CLCN5: variants seen among roughly 807,000 people sequenced by gnomAD.
CLCN5 encodes Cl-/H+ antiporter 5.
CLCN5 carries 17 observed loss-of-function variants against 54.0 expected under a neutral mutation model. The observed-to-expected ratio is 0.31, with a 90% CI of 0.22 to 0.47. The LOEUF (loss-of-function observed/expected upper bound fraction) is 0.47. Among genes scored for constraint, CLCN5 ranks in the 20% least tolerant of loss-of-function variants. The pLI is 1.00. For synonymous variants in CLCN5, 222 were observed against 233.0 expected (o/e 0.95, Z 0.43); for missense variants, 448 against 646.7 (o/e 0.69, Z 3.33).
At chrX:50,007,954 TAC>T (rs1329033091) in intron 3 of CLCN5, among the ~76,000 whole-genome samples, 2 of 112,049 alleles carry the variant, frequency 1.8e-5, no homozygotes, top group African/African-American at 6.5e-5. Flanking sequence ...GTTTTTCCAC[TAC>T]ATTAGTGATT....
chrX:50,013,245 T>C (rs1390140590), intron 3 of CLCN5: 1 of 305,114 alleles, frequency 3.3e-6, no homozygotes, highest in African/African-American at 3.4e-5. Flanking sequence ...AATGAACTGC[T>C]CCTTCTCCCA....
intron 3 of CLCN5, among the ~76,000 whole-genome samples, chrX:49,986,588 A>G (rs1929004866): frequency 8.9e-6 from 1 of 111,966 alleles, no homozygotes; most frequent in South Asian, 3.7e-4. Context: ...GTTAGCAGAT[A>G]TGATATTTAG....
chrX:49,977,713 A>G (rs1171247280), intron 3 of CLCN5, among the ~76,000 whole-genome samples: 1 of 112,090 alleles, frequency 8.9e-6, no homozygotes, highest in Non-Finnish European at 1.9e-5. Context: ...CTGGAGTGAG[A>G]AAAAGAATAA....
At chrX:50,085,590 A>C (rs1231740832) in intron 9 of CLCN5, 2 of 236,519 alleles carry the variant, frequency 8.5e-6, no homozygotes, top group Non-Finnish European at 1.6e-5. Flanking sequence ...CATCTCATTT[A>C]AAAAGCATTC....
At chrX:50,026,543 C>T (rs932759140) in intron 3 of CLCN5, among the ~76,000 whole-genome samples, 19 of 111,475 alleles carry the variant, frequency 1.7e-4, no homozygotes, top group African/African-American at 5.9e-4. Flanking sequence ...CATATGTTGA[C>T]GCTGTTGTTA....
intron 3 of CLCN5, among the ~76,000 whole-genome samples, chrX:49,984,938 T>G (rs1163477469): frequency 9.1e-6 from 1 of 110,439 alleles, no homozygotes; most frequent in Non-Finnish European, 1.9e-5. Context: ...TTCTTTGGTA[T>G]ATTTAGATTC....
At chrX:49,953,645 C>T (rs112952164) in intron 3 of CLCN5, among the ~76,000 whole-genome samples, 8,317 of 111,869 alleles carry the variant, frequency 0.074, 760 homozygotes, top group African/African-American at 0.26. Context: ...TGATGTACCA[C>T]GAGTTATTTA....
chrX:50,015,956 T>C (rs1365954496), intron 3 of CLCN5, among the ~76,000 whole-genome samples: 5 of 111,613 alleles, frequency 4.5e-5, no homozygotes, highest in Admixed American at 3.8e-4. Flanking sequence ...TAACCTGCAG[T>C]AAAGATTCAG....
chrX:49,957,080 C>T (rs1927364583), intron 3 of CLCN5, among the ~76,000 whole-genome samples: 1 of 112,033 alleles, frequency 8.9e-6, no homozygotes, highest in South Asian at 3.7e-4. Flanking sequence ...GGGTGGATCA[C>T]TTGAGGTCAG....
intron 3 of CLCN5, among the ~76,000 whole-genome samples, chrX:50,031,798 C>T (rs1028045967): frequency 2.2e-4 from 24 of 107,425 alleles, no homozygotes; most frequent in Admixed American, 4.0e-4. Flanking sequence ...ATACATGTGC[C>T]ATGCTGGTGT....
chrX:50,072,269 A>G (rs1557191584), intron 5 of CLCN5, among the ~76,000 whole-genome samples: 2 of 106,052 alleles, frequency 1.9e-5, no homozygotes, highest in East Asian at 2.8e-4. Flanking sequence ...GAAGCTCTGA[A>G]TAAGGAACTT....
chrX:49,985,962 T>G (rs1170418264), intron 3 of CLCN5, among the ~76,000 whole-genome samples: 1 of 111,855 alleles, frequency 8.9e-6, no homozygotes, highest in Non-Finnish European at 1.9e-5. Flanking sequence ...CTTTTTAAAT[T>G]CATACTCTAG....
rs1165891543 is a variant in CLCN5, at chrX:50,092,112, TTG to T, written c.2361-13_2361-12del. The T allele has an allele frequency of 8.6e-7, 1 of 1,158,499 alleles. No individual in the cohort carries two copies. Among genetic ancestry groups the T allele is most frequent in the African/African-American group, 1.8e-5 (1 of 56,893 alleles). On this transcript the variant is annotated splice_polypyrimidine_tract_variant and intron_variant, in intron 14 of 14. Transcript: ENST00000376091. Reference sequence around the variant, plus strand: ...ACAGATTTATTTTTGTTTTTTTGTATTGTGTTTGTCTTTTAGGCGATTGCTTG... The same window carrying T: ...ACAGATTTATTTTTGTTTTTTTGTATTGTTTGTCTTTTAGGCGATTGCTTG...
At chrX:50,060,930 A>G (rs1335041461) in intron 4 of CLCN5, among the ~76,000 whole-genome samples, 4 of 85,878 alleles carry the variant, frequency 4.7e-5, no homozygotes, top group Non-Finnish European at 6.6e-5. Flanking sequence ...ATTCCAACAG[A>G]CCTGCAGCTG....
intron 3 of CLCN5, among the ~76,000 whole-genome samples, chrX:49,931,592 A>G (rs957523186): frequency 9.0e-6 from 1 of 111,556 alleles, no homozygotes; most frequent in African/African-American, 3.3e-5. Flanking sequence ...ATATCTGGCC[A>G]TTAAAAATAA....
At chrX:50,041,675 C>T (rs1217855374) in intron 3 of CLCN5, among the ~76,000 whole-genome samples, 1 of 111,931 alleles carries the variant, frequency 8.9e-6, no homozygotes, top group Admixed American at 9.5e-5. Flanking sequence ...TGTTTGTACA[C>T]ATGCCCTCAT....
Position 50,058,203 on chromosome X carries a change from T to A in CLCN5, c.164-11676T>A, listed in dbSNP as rs1469380548. Among the ~76,000 whole-genome samples, 20 of 111,790 alleles carry A rather than the reference T, an allele frequency of 1.8e-4. No homozygotes were observed. The Admixed American group carries it at 1.9e-3, about 11-fold the overall frequency. On this transcript the variant is annotated intron_variant, in intron 4 of 14. Transcript: ENST00000376091. ...GCCCTGCCCCATTTCTTTGAATGCT[T>A]ATTTATTTCTTTAGGTTGTTGCCAA...
At chrX:49,957,673 G>T (rs139775549) in intron 3 of CLCN5, among the ~76,000 whole-genome samples, 115 of 111,926 alleles carry the variant, frequency 1.0e-3, no homozygotes, top group African/African-American at 3.6e-3. Flanking sequence ...TAACTTGGTG[G>T]TATTTCAGTA....
chrX:50,044,679 G>C (rs1282307873), intron 4 of CLCN5, among the ~76,000 whole-genome samples: 1 of 111,251 alleles, frequency 9.0e-6, no homozygotes, highest in African/African-American at 3.3e-5. Context: ...CAAGAGCAGG[G>C]AGGATGTTAC....
Sources: gnomAD v4.1 joint callset for allele counts (sites outside exome capture counted in the v4.1 genomes callset) on GRCh38, gnomAD v4.1.1 for gene constraint, MANE v1.5 for transcripts, NCBI Gene and HGNC (gene_info 2026-07-23, HGNC 2026-07-21) for gene names.